The following CUL4B variants were observed in gnomAD, a reference collection of about 807,000 sequenced individuals.
CUL4B encodes the protein cullin-4B.
In CUL4B, 1 loss-of-function variant was observed where a neutral mutation model predicts 69.2. That is an observed-to-expected ratio of 0.01 (90% CI 0.01 to 0.07). CUL4B has a LOEUF of 0.07. Ranked by LOEUF, CUL4B falls within the 10% of genes least tolerant of loss-of-function variation. The pLI is 1.00. For synonymous variants in CUL4B, 237 were observed against 223.2 expected (o/e 1.06, Z -0.55); for missense variants, 328 against 638.8 (o/e 0.51, Z 5.24).
At chrX:120,561,035 AG>A (rs1346582626), upstream of CUL4B, 13 of 943,647 alleles carry the variant, frequency 1.4e-5, 1 homozygote, top group African/African-American at 1.9e-4. Flanking sequence ...GGAAAGGGGG[AG>A]GGGGAAAGAA....
chrX:120,559,914 C>T, intron 1 of CUL4B, 169 bp downstream of exon 1: 2 of 1,138,104 alleles, frequency 1.8e-6, no homozygotes, highest in East Asian at 6.6e-5. Context: ...TCCTAACCAC[C>T]CCCGGAAAAT....
chrX:120,569,611 C>T (rs1295332383), downstream of CUL4B, among the ~76,000 whole-genome samples: 2 of 111,739 alleles, frequency 1.8e-5, no homozygotes. Flanking sequence ...CCAACCGCCT[C>T]GGCCTCCCAA....
chrX:120,543,123 G>A, intron 8 of CUL4B, 90 bp from the exon 9 acceptor site: 1 of 543,849 alleles, frequency 1.8e-6, no homozygotes, highest in Non-Finnish European at 3.1e-6. Context: ...AAATCAAATA[G>A]CTCATTTTAT....
chrX:120,561,406 C>T, upstream of CUL4B: 1 of 561,858 alleles, frequency 1.8e-6, no homozygotes, highest in South Asian at 2.3e-5. Context: ...TCATAGCGCC[C>T]AGATCCCGAA....
intron 9 of CUL4B, among the ~76,000 whole-genome samples, chrX:120,542,432 T>C (rs893065905): frequency 1.8e-4 from 20 of 111,633 alleles, no homozygotes; most frequent in African/African-American, 6.5e-4. Context: ...GTAAGGCTTT[T>C]ACCTATTTGC....
Position 120,545,527 on chromosome X carries a change from A to G in CUL4B, c.847-10T>C, listed in dbSNP as rs1924262194. 1 of 1,086,697 alleles carries G rather than the reference A, an allele frequency of 9.2e-7. No individual in the cohort carries two copies. The highest frequency in any genetic ancestry group is 2.5e-4 in the Middle Eastern group (1 of 3,974). The allele number at this position is 1,086,697 out of a possible 1,213,427, so 89.6% of individuals were successfully genotyped here. ...TGCTCCTGATCATGATCTGCCAATG[A>G]AAAAAAAAGAAATCAAACAAGTTTT... On this transcript the variant is annotated splice_polypyrimidine_tract_variant and intron_variant, in intron 4 of 19. Transcript: ENST00000371322.
chrX:120,526,668 G>C lies in CUL4B; in HGVS notation c.*93C>G. The C allele has an allele frequency of 1.8e-6, 1 of 564,299 alleles. No individual in the cohort carries two copies. The highest frequency in any genetic ancestry group is 3.0e-6 in the Non-Finnish European group (1 of 329,214). The allele number at this position is 564,299 out of a possible 1,213,427, so 46.5% of individuals were successfully genotyped here. ...AATTACACTGCTTCATTTGGTCATC[G>C]GTAGTAAAAAAGGAGTCAAATAATA... On this transcript the variant is annotated 3_prime_UTR_variant, in exon 20 of 20. Coordinates refer to ENST00000371322, the MANE Select transcript of CUL4B (RefSeq NM_001079872.2).
At chrX:120,531,662 G>A (rs1477230764) in intron 18 of CUL4B, among the ~76,000 whole-genome samples, 1 of 110,118 alleles carries the variant, frequency 9.1e-6, no homozygotes, top group Non-Finnish European at 1.9e-5. Flanking sequence ...GTATCGCCAT[G>A]TTGGCCAAGC....
chrX:120,561,557 T>TGGGGGGGGGG (rs1165460252), upstream of CUL4B: 1 of 5,332 alleles, frequency 1.9e-4, no homozygotes, highest in Non-Finnish European at 3.2e-4. Flanking sequence ...GGCGAGGGGG[T>TGGGGGGGGGG]GGGGGGGGTG....
At chrX:120,531,472 C>CT (rs987719834) in intron 18 of CUL4B, among the ~76,000 whole-genome samples, 29 of 100,558 alleles carry the variant, frequency 2.9e-4, no homozygotes, top group African/African-American at 9.8e-4. Flanking sequence ...TTTTTTTTTT[C>CT]TTTTTTTTAA....
At chrX:120,536,490 C>T (rs1463982025) in intron 15 of CUL4B, among the ~76,000 whole-genome samples, 1 of 112,041 alleles carries the variant, frequency 8.9e-6, no homozygotes, top group Non-Finnish European at 1.9e-5. Flanking sequence ...ATTTAGCAAT[C>T]CCACCTATGG....
rs761432629 is a variant in CUL4B, at chrX:120,534,575, T to C, written c.2172A>G (p.Glu724=). 2 of 1,186,990 alleles carry C rather than the reference T, an allele frequency of 1.7e-6. No individual in the cohort carries two copies. The highest frequency in any genetic ancestry group is 2.2e-5 in the Admixed American group (1 of 45,593). The change falls in exon 17 of 20, where the codon GAA becomes GAG. Residue 724 remains glutamate, a synonymous_variant. Transcript: ENST00000371322. ...GTGTTTGAAAAAGAGAGACCTGGAG[T>C]TCCTTTTTACCCTGTTGAAGAAATA... ...LKAEFKEGKK[E]LQVSLFQTLV...
Position 120,543,012 on chromosome X carries a change from T to C in CUL4B, c.1278A>G (p.Val426=). 1 of 1,190,839 alleles carries C rather than the reference T, an allele frequency of 8.4e-7. No homozygotes were observed. Among genetic ancestry groups the C allele is most frequent in the Non-Finnish European group, 1.1e-6 (1 of 878,245 alleles). The change falls in exon 9 of 20, where the codon GTA becomes GTG. Residue 426 remains valine (V), a synonymous_variant. Coordinates refer to ENST00000371322, the MANE Select transcript of CUL4B (RefSeq NM_001079872.2). The part of the protein sequence containing the change: ...QTTQKSLIAT[V]EKQLLGEHLT... ...AGTGTTCACCTAGAAGTTGTTTTTC[T>C]ACAGTAGCAATTAATGACTTCCTAC... is the stretch of plus-strand genomic sequence containing the variant.
At chrX:120,543,912 G>T in intron 7 of CUL4B, 103 bp from the exon 8 acceptor site, 2 of 639,994 alleles carry the variant, frequency 3.1e-6, no homozygotes, top group Non-Finnish European at 5.1e-6. Flanking sequence ...ATGTGACAGG[G>T]TAGAATCATA....
intron 2 of CUL4B, among the ~76,000 whole-genome samples, chrX:120,553,103 T>A (rs1047136696): frequency 8.9e-6 from 1 of 112,430 alleles, no homozygotes; most frequent in Non-Finnish European, 1.9e-5. Flanking sequence ...TTTAATAATC[T>A]ATTGTATATT....
At position 120,558,014 on chromosome X, in the gene CUL4B, G is replaced by A. The variant is rs1569395891; in HGVS notation, c.582C>T (p.Tyr194=). 1.7e-6 allele frequency: 2 copies of A among 1,201,504 alleles called. No homozygotes were observed. The highest frequency in any genetic ancestry group is 2.3e-6 in the Non-Finnish European group (2 of 887,123). ...TCAGTTTTTGCCAGGTTTCATCTGT[G>A]TAGTTTTCTGGTAATTTAGGCTTAT... ...FKDKPKLPEN[Y]TDETWQKLKE... Residue 194 remains tyrosine (Y), a synonymous_variant, in exon 2 of 20, where the codon TAC becomes TAT. Transcript: ENST00000371322.
chrX:120,560,760 CAG>C lies in CUL4B; in HGVS notation c.-124_-123del. The C allele has an allele frequency of 9.9e-7, 1 of 1,007,404 alleles. No individual in the cohort carries two copies. Among genetic ancestry groups the C allele is most frequent in the Non-Finnish European group, 1.3e-6 (1 of 793,913 alleles). 83.0% of individuals were successfully genotyped at this position (1,007,404 alleles called of 1,213,427 possible). On this transcript the variant is annotated 5_prime_UTR_variant, in exon 1 of 20. Coordinates refer to ENST00000371322, the MANE Select transcript of CUL4B (RefSeq NM_001079872.2). ...GGGAAGAAAGAAGAGAGGAGAAACACAGAGGACGAGAAGGAAAGTGAAGGGGG... is the reference window on the plus strand; with the variant it reads ...GGGAAGAAAGAAGAGAGGAGAAACACAGGACGAGAAGGAAAGTGAAGGGGG...
At chrX:120,568,852 C>T (rs1214458476), downstream of CUL4B, among the ~76,000 whole-genome samples, 1 of 111,931 alleles carries the variant, frequency 8.9e-6, no homozygotes, top group Non-Finnish European at 1.9e-5. Context: ...ACTCCAAATA[C>T]AGCACTTCCC....
intron 1 of CUL4B, chrX:120,559,721 G>A: frequency 1.1e-6 from 1 of 949,192 alleles, no homozygotes; most frequent in Non-Finnish European, 1.4e-6. Context: ...TCCCAGCAAT[G>A]CCAAGGCTCG....
Sources: allele counts gnomAD v4.1 joint callset (sites outside exome capture counted in the v4.1 genomes callset), GRCh38; gene constraint gnomAD v4.1.1; transcripts MANE v1.5; gene names NCBI Gene and HGNC (gene_info 2026-07-23, HGNC 2026-07-21).